The following BRD1 variants were observed in gnomAD, a reference collection of about 807,000 sequenced individuals.
BRD1 encodes bromodomain-containing protein 1.
Under a neutral mutation model 107.7 loss-of-function variants are expected in BRD1, and 24 were observed. That is an observed-to-expected ratio of 0.22 (90% CI 0.16 to 0.31). The LOEUF is 0.31. Ranked by LOEUF, BRD1 falls within the 10% of genes least tolerant of loss-of-function variation. The pLI is 1.00. For synonymous variants in BRD1, 744 were observed against 686.1 expected (o/e 1.08, Z -1.32); for missense variants, 1,279 against 1,638.6 (o/e 0.78, Z 3.79).
intron 2 of BRD1, among the ~76,000 whole-genome samples, chr22:49,805,142 C>T (rs189226041): frequency 1.1e-4 from 16 of 152,314 alleles, no homozygotes; most frequent in African/African-American, 3.8e-4. Flanking sequence ...GCTGTTTTAC[C>T]GTGCTCACTA....
intron 2 of BRD1, among the ~76,000 whole-genome samples, chr22:49,807,464 C>CGTAT (rs2147237133): frequency 6.6e-6 from 1 of 152,272 alleles, no homozygotes; most frequent in African/African-American, 2.4e-5. Context: ...CGAACCCTCC[C>CGTAT]GTATCCAGCA....
chr22:49,791,848 G>A (rs909105471), intron 7 of BRD1, among the ~76,000 whole-genome samples: 2 of 152,102 alleles, frequency 1.3e-5, no homozygotes, highest in African/African-American at 4.8e-5. Flanking sequence ...CACAGGAAAC[G>A]CCCTTTTCAT....
At chr22:49,821,835 G>A (rs1231371733) in intron 2 of BRD1, among the ~76,000 whole-genome samples, 1 of 152,182 alleles carries the variant, frequency 6.6e-6, no homozygotes, top group Non-Finnish European at 1.5e-5. Context: ...TGGGGCTCTA[G>A]GCGTCTCCCC....
chr22:49,776,046 T>C lies in BRD1; in HGVS notation c.3231+4A>G. ...CCCGCAGGCGCCACGAGAGCCGTAC[T>C]CACCAGTGCCGGGTAGGAGGGGTAG... On this transcript the variant is annotated splice_donor_region_variant and intron_variant, in intron 11 of 12. Transcript: ENST00000404760. 1 of 1,589,664 alleles carries C rather than the reference T, an allele frequency of 6.3e-7. No individual in the cohort carries two copies. The highest frequency in any genetic ancestry group is 8.5e-7 in the Non-Finnish European group (1 of 1,171,000).
intron 8 of BRD1, among the ~76,000 whole-genome samples, chr22:49,781,714 A>G (rs1185616821): frequency 6.6e-6 from 1 of 152,264 alleles, no homozygotes; most frequent in Non-Finnish European, 1.5e-5. Context: ...TGAAGACCAG[A>G]GCCCTGAGGG....
intron 2 of BRD1, among the ~76,000 whole-genome samples, chr22:49,816,885 AC>A (rs1223207741): frequency 6.6e-6 from 1 of 152,198 alleles, no homozygotes; most frequent in Non-Finnish European, 1.5e-5. Context: ...AAGGCCCGCC[AC>A]CCAAGGCCCT....
intron 7 of BRD1, among the ~76,000 whole-genome samples, chr22:49,791,106 C>A (rs1187666313): frequency 6.6e-6 from 1 of 152,262 alleles, no homozygotes; most frequent in Non-Finnish European, 1.5e-5. Context: ...GCTGCAGATC[C>A]GTCCCACAGG....
intron 8 of BRD1, among the ~76,000 whole-genome samples, chr22:49,781,333 TGA>T (rs1478139806): frequency 6.6e-6 from 1 of 152,172 alleles, no homozygotes; most frequent in African/African-American, 2.4e-5. Flanking sequence ...AAGGGTCTTC[TGA>T]GAGACTGAAG....
At chr22:49,791,655 T>C (rs2059436566) in intron 7 of BRD1, among the ~76,000 whole-genome samples, 1 of 152,184 alleles carries the variant, frequency 6.6e-6, no homozygotes, top group Non-Finnish European at 1.5e-5. Context: ...TCTTCCCTAA[T>C]GACTTCCCCA....
At position 49,775,787 on chromosome 22, in the gene BRD1, C is replaced by G. The variant is rs775621415; in HGVS notation, c.3232-42G>C. 11 of 1,586,288 alleles carry G rather than the reference C, an allele frequency of 6.9e-6. No individual in the cohort carries two copies. In the East Asian group the frequency reaches 2.0e-4, roughly 29 times the overall value. ...CGCTGAGGTCATTGTGAGGCTCACACCCATAAACAACCCCACCTGTCACTG... is the reference window on the plus strand; with the variant it reads ...CGCTGAGGTCATTGTGAGGCTCACAGCCATAAACAACCCCACCTGTCACTG... On this transcript the variant is annotated intron_variant, in intron 11 of 12. Coordinates refer to ENST00000404760, the MANE Select transcript of BRD1 (RefSeq NM_001304808.3).
At chr22:49,781,692 G>A (rs1194748726) in intron 8 of BRD1, among the ~76,000 whole-genome samples, 2 of 152,286 alleles carry the variant, frequency 1.3e-5, no homozygotes, top group African/African-American at 4.8e-5. Context: ...CAGGTGGGCT[G>A]AGCCTGCACC....
intron 1 of BRD1, among the ~76,000 whole-genome samples, chr22:49,826,980 C>T (rs1295630316): frequency 3.3e-5 from 5 of 152,280 alleles, no homozygotes; most frequent in African/African-American, 1.2e-4. Flanking sequence ...GGGGAGGCCG[C>T]GGTGCCGGTT....
chr22:49,794,324 T>C, intron 6 of BRD1, 30 bp from the exon 7 acceptor site: 1 of 1,586,864 alleles, frequency 6.3e-7, no homozygotes, highest in Non-Finnish European at 8.6e-7. Flanking sequence ...CTGTCAGTCA[T>C]CAGGTCCCAC....
chr22:49,794,724 T>C (rs1364724415), intron 6 of BRD1, among the ~76,000 whole-genome samples: 2 of 152,236 alleles, frequency 1.3e-5, no homozygotes, highest in Non-Finnish European at 2.9e-5. Context: ...AGGTGACGAC[T>C]GGCAAATGTG....
chr22:49,814,324 C>A (rs914239827), intron 2 of BRD1, among the ~76,000 whole-genome samples: 14 of 152,256 alleles, frequency 9.2e-5, no homozygotes, highest in African/African-American at 3.4e-4. Flanking sequence ...CACACGCAGA[C>A]CCCATGCCAG....
chr22:49,801,047 G>A (rs2059631016), intron 3 of BRD1, among the ~76,000 whole-genome samples: 1 of 152,252 alleles, frequency 6.6e-6, no homozygotes, highest in Admixed American at 6.5e-5. Flanking sequence ...GCCAGCAGGT[G>A]CGTGGGACTG....
intron 3 of BRD1, among the ~76,000 whole-genome samples, chr22:49,800,524 T>C (rs985687747): frequency 1.6e-4 from 25 of 152,274 alleles, no homozygotes; most frequent in Admixed American, 1.4e-3. Flanking sequence ...CAAAAGGACA[T>C]TTGGCCTGGG....
At chr22:49,794,006 A>G in intron 7 of BRD1, 28 bp downstream of exon 7, 1 of 1,595,104 alleles carries the variant, frequency 6.3e-7, no homozygotes. Flanking sequence ...GACGGCAAGA[A>G]AGCGGGGCAG....
At chr22:49,775,383 G>A in intron 12 of BRD1, 1 of 419,200 alleles carries the variant, frequency 2.4e-6, no homozygotes, top group East Asian at 3.6e-5. Context: ...GACAGACCCG[G>A]TGCTCAGTGC....
Sources: gnomAD v4.1 joint callset for allele counts (sites outside exome capture counted in the v4.1 genomes callset) on GRCh38, gnomAD v4.1.1 for gene constraint, MANE v1.5 for transcripts, NCBI Gene and HGNC (gene_info 2026-07-23, HGNC 2026-07-21) for gene names.